The following TMEM131 variants were observed in gnomAD, a reference collection of about 807,000 sequenced individuals.
TMEM131 encodes 2610524E03Rik.
Under a neutral mutation model 211.6 loss-of-function variants are expected in TMEM131, and 66 were observed. That is an observed-to-expected ratio of 0.31 (90% CI 0.26 to 0.38). The LOEUF is 0.38. TMEM131 is among the 10% of genes least tolerant of loss of function. The probability of loss-of-function intolerance (pLI) is 1.00; values close to 1 mark genes in which losing one functional copy is unlikely to be tolerated. For missense variants in TMEM131, 2,036 were observed against 2,299.3 expected, an observed-to-expected ratio of 0.89 and a Z score of 2.34; for synonymous variants, 844 against 841.3, an observed-to-expected ratio of 1.00 and a Z score of -0.06.
intron 5 of TMEM131, among the ~76,000 whole-genome samples, chr2:97,849,137 C>T (rs1683580126): frequency 6.6e-6 from 1 of 152,066 alleles, no homozygotes; most frequent in Non-Finnish European, 1.5e-5. Context: ...ACTCGCATCA[C>T]AAAAAACCCA....
chr2:97,787,046 G>A (rs17022289), intron 31 of TMEM131, among the ~76,000 whole-genome samples: 2 of 152,028 alleles, frequency 1.3e-5, no homozygotes, highest in African/African-American at 2.4e-5. Flanking sequence ...TGATAGTACC[G>A]TAACTAAAAA....
At chr2:97,924,894 T>G (rs559059212) in intron 2 of TMEM131, among the ~76,000 whole-genome samples, 9 of 152,220 alleles carry the variant, frequency 5.9e-5, no homozygotes, top group Non-Finnish European at 1.0e-4. Flanking sequence ...TTTTTGTAGT[T>G]GTTGATACAG....
At chr2:97,933,535 G>T (rs937237896) in intron 1 of TMEM131, among the ~76,000 whole-genome samples, 1 of 151,962 alleles carries the variant, frequency 6.6e-6, no homozygotes, top group Non-Finnish European at 1.5e-5. Context: ...AAGAATGGTG[G>T]TGTTTGTATA....
intron 10 of TMEM131, among the ~76,000 whole-genome samples, 167 bp downstream of exon 10, chr2:97,834,454 T>A (rs780666315): frequency 6.6e-6 from 1 of 152,072 alleles, no homozygotes; most frequent in Non-Finnish European, 1.5e-5. Flanking sequence ...GAATGGGGTA[T>A]AAACCTGTAA....
chr2:97,919,018 A>C (rs932709123), intron 2 of TMEM131, among the ~76,000 whole-genome samples: 1 of 152,192 alleles, frequency 6.6e-6, no homozygotes, highest in African/African-American at 2.4e-5. Flanking sequence ...GCTGACCAGA[A>C]GACTACATGT....
At chr2:97,783,880 G>C (rs373372408) in intron 31 of TMEM131, among the ~76,000 whole-genome samples, 4 of 151,886 alleles carry the variant, frequency 2.6e-5, no homozygotes, top group East Asian at 3.9e-4. Context: ...CAAATACAAT[G>C]ATATAGGCAG....
chr2:97,932,100 C>T (rs1009534986), intron 1 of TMEM131, among the ~76,000 whole-genome samples: 4 of 150,012 alleles, frequency 2.7e-5, no homozygotes, highest in Admixed American at 6.6e-5. Context: ...TGAGATAGTG[C>T]CAATGCACTC....
chr2:97,793,591 T>C (rs764334056), intron 29 of TMEM131, 38 bp from the exon 30 acceptor site: 2 of 1,561,582 alleles, frequency 1.3e-6, no homozygotes, highest in Admixed American at 1.9e-5. Flanking sequence ...CAGGATTCAT[T>C]TGTTAGTAGA....
rs1476289653 is a variant in TMEM131 at position 97,796,259 on chromosome 2, C to G, written c.3159G>C (p.Glu1053Asp). ...TAGAAGCATTGGCACTTAGAGTAAA[C>G]TCTTGACAATTAACAACTTTAAAGC... ...GYGFKVVNCQEFTLSANASRD... is the reference protein window; with the variant it reads ...GYGFKVVNCQDFTLSANASRD... Residue 1053 changes from glutamate to aspartate, a missense_variant, in exon 28 of 41, where the codon GAG becomes GAC. Coordinates refer to ENST00000186436, the MANE Select transcript of TMEM131 (RefSeq NM_015348.2). The G allele has an allele frequency of 1.9e-6, 3 of 1,570,412 alleles. No individual in the cohort carries two copies. In the East Asian group the frequency reaches 6.9e-5, roughly 36 times the overall value.
At chr2:97,970,143 G>C (rs1235623625) in intron 1 of TMEM131, among the ~76,000 whole-genome samples, 1 of 152,130 alleles carries the variant, frequency 6.6e-6, no homozygotes, top group East Asian at 1.9e-4. Flanking sequence ...TTTTCTACTG[G>C]AACCAGCATG....
chr2:97,888,698 T>C (rs904846932), intron 3 of TMEM131, among the ~76,000 whole-genome samples: 1 of 152,170 alleles, frequency 6.6e-6, no homozygotes, highest in African/African-American at 2.4e-5. Context: ...AACTTCTCAA[T>C]AGAACAGATT....
chr2:97,822,172 T>C (rs1682155803), intron 11 of TMEM131, among the ~76,000 whole-genome samples: 1 of 152,172 alleles, frequency 6.6e-6, no homozygotes, highest in African/African-American at 2.4e-5. Flanking sequence ...ATAAGAATGA[T>C]TTCCAGTATA....
intron 3 of TMEM131, among the ~76,000 whole-genome samples, chr2:97,898,901 T>C (rs1675730749): frequency 6.6e-6 from 1 of 152,172 alleles, no homozygotes; most frequent in Non-Finnish European, 1.5e-5. Context: ...GAGAGTATAA[T>C]CTATATAATC....
At position 97,876,792 on chromosome 2, in the gene TMEM131, C is replaced by A. The variant is rs564860746; in HGVS notation, c.359+11260G>T. On this transcript the variant is annotated intron_variant, in intron 4 of 40. Coordinates refer to ENST00000186436, the MANE Select transcript of TMEM131 (RefSeq NM_015348.2). ...AAGCATTCCCTTTGAAAACTGGCAC[C>A]AGACAAGGATGCCCTGTCTCATCAC... is the stretch of plus-strand genomic sequence containing the variant. Among the ~76,000 whole-genome samples the A allele has an allele frequency of 5.3e-5, 8 of 152,228 alleles. No individual in the cohort carries two copies. The South Asian group carries it at 6.2e-4, about 12-fold the overall frequency.
At chr2:97,771,950 C>G (rs1219820477) in intron 33 of TMEM131, among the ~76,000 whole-genome samples, 1 of 152,234 alleles carries the variant, frequency 6.6e-6, no homozygotes. Flanking sequence ...GAAAGTTATG[C>G]TTGTACCTGT....
intron 1 of TMEM131, among the ~76,000 whole-genome samples, chr2:97,945,765 GA>G (rs1678004807): frequency 6.6e-6 from 1 of 152,036 alleles, no homozygotes; most frequent in Admixed American, 6.5e-5. Flanking sequence ...AAAATTTTCT[GA>G]AAGTTTGAAT....
At chr2:97,989,277 C>CAAAAA (rs768850056) in intron 1 of TMEM131, among the ~76,000 whole-genome samples, 1 of 103,842 alleles carries the variant, frequency 9.6e-6, no homozygotes. Flanking sequence ...AAAAACAAAA[C>CAAAAA]AAAAAAAAAA....
Position 97,792,645 on chromosome 2 carries a change from G to A in TMEM131, c.3885C>T (p.His1295=), listed in dbSNP as rs1680556493. Residue 1295 remains histidine, a synonymous_variant, in exon 31 of 41, where the codon CAC becomes CAT. Transcript: ENST00000186436. The stretch of plus-strand genomic sequence containing the variant: ...GCTGAGGGTGCTGCTCCAGCGGGCT[G>A]TGGGCATGGTGCTGGCTGCCGTGCT... ...QSQHGSQHHA[H]SPLEQHPQPP... The A allele has an allele frequency of 1.2e-6, 2 of 1,613,842 alleles. No homozygotes were observed. The highest frequency in any genetic ancestry group is 1.7e-6 in the Non-Finnish European group (2 of 1,179,828).
At chr2:97,770,244 AC>A (rs1387605015) in intron 33 of TMEM131, among the ~76,000 whole-genome samples, 2 of 152,228 alleles carry the variant, frequency 1.3e-5, no homozygotes, top group African/African-American at 2.4e-5. Flanking sequence ...TATTAAAAAA[AC>A]CAGTCTTTAT....
Sources: gnomAD v4.1 joint callset for allele counts (sites outside exome capture counted in the v4.1 genomes callset) on GRCh38, gnomAD v4.1.1 for gene constraint, MANE v1.5 for transcripts, NCBI Gene and HGNC (gene_info 2026-07-23, HGNC 2026-07-21) for gene names.